STXBP5L: variants seen among roughly 807,000 people sequenced by gnomAD.
STXBP5L encodes the protein syntaxin-binding protein 5-like.
A neutral mutation model predicts 144.5 loss-of-function variants in STXBP5L; 65 were observed. The observed-to-expected ratio is 0.45, with a 90% CI of 0.37 to 0.55. The LOEUF (loss-of-function observed/expected upper bound fraction) is 0.55. Among genes scored for constraint, STXBP5L ranks in the 20% least tolerant of loss-of-function variants. STXBP5L has a pLI of 0.00. For missense variants in STXBP5L, 1,298 were observed against 1,405.5 expected (o/e 0.92, Z 1.22); for synonymous variants, 505 against 469.6 (o/e 1.08, Z -0.97).
intron 7 of STXBP5L, among the ~76,000 whole-genome samples, chr3:121,139,497 T>A (rs559757537): frequency 6.6e-6 from 1 of 152,240 alleles, no homozygotes; most frequent in East Asian, 1.9e-4. Context: ...CTTGTAAGTA[T>A]CAGAATTAGT....
chr3:121,082,379 A>C (rs2107697147), intron 5 of STXBP5L, among the ~76,000 whole-genome samples: 1 of 152,112 alleles, frequency 6.6e-6, no homozygotes, highest in African/African-American at 2.4e-5. Flanking sequence ...GGTATTTTTA[A>C]ATTTTGTTTG....
chr3:121,206,552 G>C (rs1444588378), intron 10 of STXBP5L, among the ~76,000 whole-genome samples: 2 of 152,178 alleles, frequency 1.3e-5, no homozygotes, highest in African/African-American at 4.8e-5. Flanking sequence ...CCTCACGCCT[G>C]TAACCCCAGC....
chr3:121,082,993 T>A (rs1223428818), intron 5 of STXBP5L, among the ~76,000 whole-genome samples: 1 of 151,878 alleles, frequency 6.6e-6, no homozygotes, highest in Non-Finnish European at 1.5e-5. Flanking sequence ...GGTCAAGAGA[T>A]CAAGACATCC....
intron 3 of STXBP5L, among the ~76,000 whole-genome samples, chr3:120,960,163 C>T (rs1375300356): frequency 6.6e-6 from 1 of 152,192 alleles, no homozygotes; most frequent in African/African-American, 2.4e-5. Flanking sequence ...AAAAAATGCT[C>T]ATCATCACTG....
chr3:121,316,732 ACT>A (rs1435164870), intron 19 of STXBP5L, among the ~76,000 whole-genome samples: 1 of 152,184 alleles, frequency 6.6e-6, no homozygotes, highest in Admixed American at 6.5e-5. Context: ...TGATTCACTG[ACT>A]CAACTTACAG....
At chr3:121,386,935 G>A (rs1319929552) in intron 22 of STXBP5L, among the ~76,000 whole-genome samples, 1 of 152,152 alleles carries the variant, frequency 6.6e-6, no homozygotes, top group Non-Finnish European at 1.5e-5. Context: ...TGGGATTGCT[G>A]GGTCAAATGG....
chr3:120,985,115 G>A (rs1315205513), intron 3 of STXBP5L, among the ~76,000 whole-genome samples: 2 of 151,840 alleles, frequency 1.3e-5, no homozygotes, highest in Non-Finnish European at 2.9e-5. Context: ...TTGTTTTGTA[G>A]CTTTTTTTTT....
At position 121,358,263 on chromosome 3, in the gene STXBP5L, C is replaced by G. The variant is rs191535931; in HGVS notation, c.2177-20453C>G. On this transcript the variant is annotated intron_variant, in intron 20 of 26. Transcript: ENST00000471454. The stretch of plus-strand genomic sequence containing the variant: ...CATCCGCAACACCTCCCTAACCCCC[C>G]ACTACCCTTCTCACCCTCTGGTAAT... Among the ~76,000 whole-genome samples, 10 of 132,368 alleles carry G rather than the reference C, an allele frequency of 7.6e-5. No homozygotes were observed. The South Asian group carries it at 1.4e-3, about 18-fold the overall frequency. 86.8% of individuals were successfully genotyped at this position (132,368 alleles called of 152,430 possible).
At chr3:121,083,757 T>C (rs976001553) in intron 5 of STXBP5L, among the ~76,000 whole-genome samples, 13 of 152,196 alleles carry the variant, frequency 8.5e-5, no homozygotes, top group African/African-American at 2.7e-4. Flanking sequence ...TTTTGGAAAT[T>C]TGGAAATTAT....
At chr3:121,033,495 G>A (rs1466092702) in intron 3 of STXBP5L, among the ~76,000 whole-genome samples, 6 of 140,904 alleles carry the variant, frequency 4.3e-5, no homozygotes, top group Non-Finnish European at 6.1e-5. Flanking sequence ...TGGGTGCAGT[G>A]CACCAGCATG....
At chr3:121,226,114 T>G (rs762265363) in intron 11 of STXBP5L, among the ~76,000 whole-genome samples, 2 of 152,212 alleles carry the variant, frequency 1.3e-5, no homozygotes, top group Admixed American at 1.3e-4. Flanking sequence ...TTTTCCAATA[T>G]GGTATTGTGG....
chr3:121,053,424 C>T (rs1044601925), intron 5 of STXBP5L, among the ~76,000 whole-genome samples: 4 of 152,150 alleles, frequency 2.6e-5, no homozygotes, highest in Non-Finnish European at 5.9e-5. Flanking sequence ...ACAGAGCCCT[C>T]AGAAATAATT....
chr3:121,259,010 C>T (rs2050299170), intron 17 of STXBP5L, 33 bp from the exon 18 acceptor site: 3 of 1,521,508 alleles, frequency 2.0e-6, no homozygotes, highest in Non-Finnish European at 2.7e-6. Flanking sequence ...TTTATTTAAG[C>T]TGTATATAAT....
chr3:120,974,080 T>C lies in STXBP5L; in HGVS notation c.287+19043T>C, dbSNP rs956402505. Among the ~76,000 whole-genome samples, 5 of 152,248 alleles carry C rather than the reference T, an allele frequency of 3.3e-5. No individual in the cohort carries two copies. The East Asian group carries it at 7.7e-4, about 24-fold the overall frequency. On this transcript the variant is annotated intron_variant, in intron 3 of 26. Transcript: ENST00000471454. ...CGAGTAATGGGATGGCTGGGTCAAA[T>C]GGTATTTCTAGTTCTAGATCCCTGA...
chr3:121,181,327 G>A (rs180832632), intron 9 of STXBP5L, among the ~76,000 whole-genome samples: 59 of 151,394 alleles, frequency 3.9e-4, no homozygotes, highest in Admixed American at 3.9e-3. Flanking sequence ...GAAAAGAAAA[G>A]TAAAGAGAGG....
intron 22 of STXBP5L, among the ~76,000 whole-genome samples, chr3:121,386,300 A>G (rs560468831): frequency 3.9e-5 from 6 of 152,282 alleles, no homozygotes; most frequent in East Asian, 1.9e-4. Context: ...GCTCCACCTT[A>G]TAAGTGAGAA....
chr3:120,917,150 C>T (rs1709142129), intron 2 of STXBP5L, among the ~76,000 whole-genome samples: 1 of 152,124 alleles, frequency 6.6e-6, no homozygotes, highest in Non-Finnish European at 1.5e-5. Context: ...CATGTCCCAG[C>T]TTTGTGGAGT....
chr3:121,184,270 G>A (rs1041296309), intron 9 of STXBP5L, among the ~76,000 whole-genome samples: 2 of 151,196 alleles, frequency 1.3e-5, no homozygotes, highest in Non-Finnish European at 2.9e-5. Flanking sequence ...ACTCCTCCAA[G>A]CTAAAGGAGC....
chr3:121,337,439 T>TAAAAAAAAAAAAAAAA (rs59662899), intron 20 of STXBP5L, among the ~76,000 whole-genome samples: 1 of 71,096 alleles, frequency 1.4e-5, no homozygotes, highest in Non-Finnish European at 3.0e-5. Context: ...GCAACAACAG[T>TAAAAAAAAAAAAAAAA]AAAAAAAAAA....
Sources: allele counts gnomAD v4.1 joint callset (sites outside exome capture counted in the v4.1 genomes callset), GRCh38; gene constraint gnomAD v4.1.1; transcripts MANE v1.5; gene names NCBI Gene and HGNC (gene_info 2026-07-23, HGNC 2026-07-21).